The following PTPRG variants were observed in gnomAD, a reference collection of about 807,000 sequenced individuals.
PTPRG encodes receptor-type tyrosine-protein phosphatase gamma.
In PTPRG, 102 loss-of-function variants were observed where a neutral mutation model predicts 165.3. The ratio of observed to expected loss-of-function variants is 0.62; its 90% CI spans 0.53 to 0.73. The LOEUF (loss-of-function observed/expected upper bound fraction) is 0.73, where lower values mean the gene tolerates loss of function less well. Ranked by LOEUF, PTPRG falls within the 30% of genes least tolerant of loss-of-function variation. PTPRG has a pLI of 0.00. For missense variants in PTPRG, 1,866 were observed against 1,861.4 expected, an observed-to-expected ratio of 1.00 and a Z score of -0.05; for synonymous variants, 675 against 669.5, an observed-to-expected ratio of 1.01 and a Z score of -0.13.
chr3:61,717,483 G>T (rs1452691243), intron 1 of PTPRG, among the ~76,000 whole-genome samples: 1 of 152,108 alleles, frequency 6.6e-6, no homozygotes, highest in East Asian at 1.9e-4. Context: ...ACTAGTAGGT[G>T]TTACTATAAA....
At chr3:61,913,454 C>T (rs1035589990) in intron 2 of PTPRG, among the ~76,000 whole-genome samples, 5 of 152,084 alleles carry the variant, frequency 3.3e-5, no homozygotes, top group African/African-American at 9.7e-5. Context: ...CTCCTGACCT[C>T]GTGATCCGCC....
chr3:61,828,599 G>T (rs11130856), intron 2 of PTPRG, among the ~76,000 whole-genome samples: 46,324 of 152,086 alleles, frequency 0.3, 7,282 homozygotes, highest in East Asian at 0.5. Flanking sequence ...TCAAGGAAGT[G>T]CTGTGTGAAC....
intron 2 of PTPRG, among the ~76,000 whole-genome samples, chr3:61,970,379 G>C (rs966528617): frequency 3.9e-5 from 6 of 152,120 alleles, no homozygotes; most frequent in African/African-American, 1.4e-4. Context: ...AAAACACAGG[G>C]AAACATCTAA....
At chr3:61,915,522 C>T (rs533709971) in intron 2 of PTPRG, among the ~76,000 whole-genome samples, 10 of 152,186 alleles carry the variant, frequency 6.6e-5, no homozygotes, top group South Asian at 2.1e-4. Flanking sequence ...TAATTAGAGC[C>T]GTGAAATATA....
intron 2 of PTPRG, among the ~76,000 whole-genome samples, chr3:61,851,577 T>G (rs1243600393): frequency 6.6e-6 from 1 of 152,228 alleles, no homozygotes. Context: ...TTTATTTGCA[T>G]GGTGGAAAAA....
rs989451145 is a variant in PTPRG at position 62,233,859 on chromosome 3, A to G, written c.2375+2548A>G. The stretch of plus-strand genomic sequence containing the variant: ...TCAGACCCAAGTATTTAATTTTTTA[A>G]TAAAGCTGATTTAAGTTTTGAGTAA... On this transcript the variant is annotated intron_variant, in intron 14 of 29. Transcript: ENST00000474889. The surrounding 1 kb of genome is among the most constrained non-coding windows in gnomAD (Gnocchi z 4.7). Among the ~76,000 whole-genome samples the G allele has an allele frequency of 6.6e-6, 1 of 152,332 alleles. No homozygotes were observed. The highest frequency in any genetic ancestry group is 2.4e-5 in the African/African-American group (1 of 41,566).
chr3:61,652,845 G>T (rs192929018), intron 1 of PTPRG, among the ~76,000 whole-genome samples: 1 of 152,316 alleles, frequency 6.6e-6, no homozygotes, highest in African/African-American at 2.4e-5. Flanking sequence ...GCAAGTGGGG[G>T]ATTCTCCCCT....
At chr3:61,694,943 A>G (rs1486144660) in intron 1 of PTPRG, among the ~76,000 whole-genome samples, 1 of 152,156 alleles carries the variant, frequency 6.6e-6, no homozygotes, top group Non-Finnish European at 1.5e-5. Context: ...AACTGTTACC[A>G]AAAGTAGCTT....
chr3:62,086,340 A>C (rs1348142878), intron 5 of PTPRG, among the ~76,000 whole-genome samples: 1 of 150,570 alleles, frequency 6.6e-6, no homozygotes, highest in Admixed American at 6.6e-5. Flanking sequence ...AACTCTGGAG[A>C]GAGAGAGAGA....
In PTPRG at chr3:61,780,332, A is replaced by T. The variant is rs114164078; in HGVS notation, c.190+31350A>T. ...AAACTTGAGTGGGGGGCAGGCAGCC[A>T]CTTAGGCCCCCAGGAAGAAATTACA... is the stretch of plus-strand genomic sequence containing the variant. On this transcript the variant is annotated intron_variant, in intron 2 of 29. Transcript: ENST00000474889. Among the ~76,000 whole-genome samples, 595 of 152,276 alleles carry T rather than the reference A, an allele frequency of 3.9e-3. 5 individuals are homozygous for T. The highest frequency in any genetic ancestry group is 0.014 in the African/African-American group (572 of 41,562).
At chr3:61,692,111 G>A (rs893104836) in intron 1 of PTPRG, among the ~76,000 whole-genome samples, 3 of 152,306 alleles carry the variant, frequency 2.0e-5, no homozygotes, top group East Asian at 3.9e-4. Context: ...CTGCTCCTAC[G>A]CAGAGTTTTC....
intron 2 of PTPRG, among the ~76,000 whole-genome samples, chr3:61,920,823 T>G (rs2039059896): frequency 6.6e-6 from 1 of 152,254 alleles, no homozygotes; most frequent in Non-Finnish European, 1.5e-5. Flanking sequence ...ATGTGATTTT[T>G]AAACATTGAT....
intron 1 of PTPRG, among the ~76,000 whole-genome samples, chr3:61,646,902 C>T (rs1349198056): frequency 6.6e-6 from 1 of 152,178 alleles, no homozygotes; most frequent in Non-Finnish European, 1.5e-5. Context: ...TGCTGGCTTG[C>T]TTTACTCAGT....
At chr3:61,607,669 A>G (rs1007741407) in intron 1 of PTPRG, among the ~76,000 whole-genome samples, 48 of 152,196 alleles carry the variant, frequency 3.2e-4, no homozygotes, top group African/African-American at 1.1e-3. Flanking sequence ...TAGAAGTGAC[A>G]TTCTCTGTGG....
At chr3:61,732,469 C>A (rs1231231305) in intron 1 of PTPRG, among the ~76,000 whole-genome samples, 1 of 151,762 alleles carries the variant, frequency 6.6e-6, no homozygotes, top group Non-Finnish European at 1.5e-5. Flanking sequence ...CCCAGCTACT[C>A]GGGAGGCTGA....
At chr3:61,745,728 A>G (rs771278222) in intron 1 of PTPRG, among the ~76,000 whole-genome samples, 2 of 152,142 alleles carry the variant, frequency 1.3e-5, no homozygotes, top group African/African-American at 2.4e-5. Context: ...TGTGATGTAT[A>G]TGTGTGTCTG....
chr3:62,279,220 CCTAA>C (rs1231616181), intron 26 of PTPRG, among the ~76,000 whole-genome samples: 1 of 152,014 alleles, frequency 6.6e-6, no homozygotes, highest in Admixed American at 6.6e-5. Flanking sequence ...GTCACTGCTT[CCTAA>C]CTCACAAAGT....
intron 1 of PTPRG, among the ~76,000 whole-genome samples, chr3:61,631,932 C>T (rs1701783634): frequency 6.6e-6 from 1 of 152,108 alleles, no homozygotes; most frequent in South Asian, 2.1e-4. Flanking sequence ...TATAGATGCT[C>T]TGATTGTAGC....
chr3:62,173,699 G>C (rs1187265656), intron 8 of PTPRG, among the ~76,000 whole-genome samples: 4 of 152,168 alleles, frequency 2.6e-5, no homozygotes, highest in African/African-American at 9.7e-5. Flanking sequence ...TTTCACATCA[G>C]AGGGGTAACC....
Sources: allele counts gnomAD v4.1 joint callset (sites outside exome capture counted in the v4.1 genomes callset), GRCh38; gene constraint gnomAD v4.1.1; non-coding constraint Gnocchi (gnomAD v3.1); transcripts MANE v1.5; gene names NCBI Gene and HGNC (gene_info 2026-07-23, HGNC 2026-07-21).